Variants in ANKRD18A observed in about 807,000 individuals in gnomAD.
The protein encoded by ANKRD18A is ankyrin repeat domain 18A, also known as ankyrin repeat domain-containing protein 18A.
In ANKRD18A, 72 loss-of-function variants were observed where a neutral mutation model predicts 110.6. The ratio of observed to expected loss-of-function variants is 0.65; its 90% CI spans 0.54 to 0.79. The LOEUF (loss-of-function observed/expected upper bound fraction) is 0.79, where lower values mean the gene tolerates loss of function less well. Ranked by LOEUF, ANKRD18A falls within the 30% of genes least tolerant of loss-of-function variation. The pLI is 0.00. For synonymous variants in ANKRD18A, 305 were observed against 410.3 expected, an observed-to-expected ratio of 0.74 and a Z score of 3.10; for missense variants, 934 against 1,163.3, an observed-to-expected ratio of 0.80 and a Z score of 2.87.
downstream of ANKRD18A, chr9:38,566,622 T>G (rs1160841132): frequency 6.6e-6 from 1 of 152,222 alleles, no homozygotes; most frequent in Admixed American, 6.5e-5. Context: ...GCTCCAGTCC[T>G]CATTTGCCAT....
intron 14 of ANKRD18A, among the ~76,000 whole-genome samples, chr9:38,576,383 C>T (rs1170645567): frequency 6.6e-6 from 1 of 152,164 alleles, no homozygotes; most frequent in Non-Finnish European, 1.5e-5. Context: ...ACACCGTGAC[C>T]AAGGCACTGG....
chr9:38,577,136 C>T lies in ANKRD18A; in HGVS notation c.2658G>A (p.Glu886=), dbSNP rs1417807239. ...TAAATTCTTCTAATTCAGTTGTAAC[C>T]TCTTCATAAGCAGTTTTCATTTTGG... ...KFSKMKTAYE[E]VTTELEEFKE... The change falls in exon 14 of 16, where the codon GAG becomes GAA. Residue 886 remains glutamate (E), a synonymous_variant. Coordinates refer to ENST00000399703, the MANE Select transcript of ANKRD18A (RefSeq NM_147195.4). The T allele has an allele frequency of 3.2e-6, 5 of 1,549,572 alleles. No homozygotes were observed. The highest frequency in any genetic ancestry group is 4.4e-6 in the Non-Finnish European group (5 of 1,146,416).
At chr9:38,570,833 G>T (rs1171146704), downstream of ANKRD18A, among the ~76,000 whole-genome samples, 2 of 152,164 alleles carry the variant, frequency 1.3e-5, no homozygotes, top group South Asian at 2.1e-4. Flanking sequence ...CACTCACCCC[G>T]CAAGGCCCTC....
chr9:38,572,935 T>G, intron 15 of ANKRD18A: 1 of 385,840 alleles, frequency 2.6e-6, no homozygotes, highest in Non-Finnish European at 4.6e-6. Context: ...GTGAAAGTTT[T>G]CGTTTTCACA....
intron 3 of ANKRD18A, among the ~76,000 whole-genome samples, chr9:38,614,352 G>A (rs1287342920): frequency 6.7e-6 from 1 of 149,284 alleles, no homozygotes; most frequent in African/African-American, 2.5e-5. Flanking sequence ...TGATCTGCCC[G>A]CCTCAGGCTG....
chr9:38,575,422 C>T lies in ANKRD18A; in HGVS notation c.2964+54G>A, dbSNP rs569938296. 4.1e-6 allele frequency: 6 copies of T among 1,459,354 alleles called. No homozygotes were observed. In the African/African-American group the frequency reaches 5.7e-5, roughly 14 times the overall value. 90.4% of individuals were successfully genotyped at this position (1,459,354 alleles called of 1,614,324 possible). A position where few individuals can be genotyped will look rare whatever the true frequency, so the allele number is the denominator to read the frequency against. On this transcript the variant is annotated intron_variant, in intron 15 of 15. Coordinates refer to ENST00000399703, the MANE Select transcript of ANKRD18A (RefSeq NM_147195.4). ...ACTCAGTATTTCATCAAATTATAGA[C>T]AAGAATTATATTAGAGAAATGAAAC...
rs1223774190 is a variant in ANKRD18A, at chr9:38,593,755, C to T, written c.2004+5G>A. 6.6e-7 allele frequency: 1 copy of T among 1,526,254 alleles called. No homozygotes were observed. The highest frequency in any genetic ancestry group is 2.5e-5 in the East Asian group (1 of 40,442). 94.5% of individuals were successfully genotyped at this position (1,526,254 alleles called of 1,614,324 possible). ...AACTGTCTACATGTTAAATTCCATA[C>T]ATACTTGAATTTCTACTTGAAATAA... On this transcript the variant is annotated splice_donor_5th_base_variant and intron_variant, in intron 10 of 15. Transcript: ENST00000399703.
Position 38,615,677 on chromosome 9 carries a change from G to A in ANKRD18A, c.412C>T (p.Leu138Phe), listed in dbSNP as rs1022759886. ...CCCTTATTATACACGGCATAATGGA[G>A]AGCAGTGTTGCCGTAGATATCCTCA... ...NIEDIYGNTA[L>F]HYAVYNKGTS... The change falls in exon 3 of 16, where the codon CTC (leucine) becomes TTC (phenylalanine). Residue 138 changes from leucine (L) to phenylalanine (F), a missense_variant. Coordinates refer to ENST00000399703, the MANE Select transcript of ANKRD18A (RefSeq NM_147195.4). 6.2e-7 allele frequency: 1 copy of A among 1,612,284 alleles called. No individual in the cohort carries two copies. Among genetic ancestry groups the A allele is most frequent in the South Asian group, 1.1e-5 (1 of 90,998 alleles).
rs191003324 is a variant in ANKRD18A, at chr9:38,614,873, A to G, written c.495+721T>C. 9.2e-5 allele frequency among the ~76,000 whole-genome samples: 14 copies of G among 152,300 alleles called. 1 individual carries two copies. The highest frequency in any genetic ancestry group is 3.4e-4 in the African/African-American group (14 of 41,570). On this transcript the variant is annotated intron_variant, in intron 3 of 15. Transcript: ENST00000399703. ...TTTTTGCCGGGATGGGTAATAAGTC[A>G]GTTACTAATTTGTTCCACCCTTTGC...
At chr9:38,590,324 G>A (rs992530215) in intron 10 of ANKRD18A, among the ~76,000 whole-genome samples, 4 of 151,374 alleles carry the variant, frequency 2.6e-5, no homozygotes, top group Admixed American at 6.6e-5. Context: ...GTGGTGCCAT[G>A]TCGGCTCACT....
intron 6 of ANKRD18A, 35 bp from the exon 7 acceptor site, chr9:38,603,247 T>G (rs1188520417): frequency 6.4e-7 from 1 of 1,550,520 alleles, no homozygotes; most frequent in Admixed American, 2.0e-5. Flanking sequence ...ATATTCCTTC[T>G]GGAAAACATC....
intron 15 of ANKRD18A, among the ~76,000 whole-genome samples, chr9:38,575,179 A>G (rs1175856197): frequency 1.3e-5 from 2 of 152,182 alleles, no homozygotes; most frequent in East Asian, 1.9e-4. Context: ...ACCATCAGTT[A>G]TTAGGCAATA....
At chr9:38,571,276 A>T (rs1339806215), downstream of ANKRD18A, 1 of 1,398,950 alleles carries the variant, frequency 7.1e-7, no homozygotes, top group Admixed American at 2.9e-5. Flanking sequence ...AATAATGGGG[A>T]CAATTCAAAA....
intron 1 of ANKRD18A, among the ~76,000 whole-genome samples, chr9:38,617,296 T>C (rs1344740830): frequency 6.6e-6 from 1 of 151,992 alleles, no homozygotes; most frequent in African/African-American, 2.4e-5. Context: ...AAAAATTAGC[T>C]GGGTGCGGTG....
intron 10 of ANKRD18A, among the ~76,000 whole-genome samples, chr9:38,590,091 AG>A (rs1212881860): frequency 6.6e-6 from 1 of 152,070 alleles, no homozygotes; most frequent in Admixed American, 6.6e-5. Context: ...CTAATCTTGA[AG>A]GGGGGCTGTC....
chr9:38,590,416 T>TAAAA (rs1244272053), intron 10 of ANKRD18A, among the ~76,000 whole-genome samples: 2 of 151,928 alleles, frequency 1.3e-5, no homozygotes, highest in African/African-American at 4.8e-5. Context: ...CACCACCAGC[T>TAAAA]AATTTTTGTA....
chr9:38,601,991 G>GAAAA (rs66982362), intron 7 of ANKRD18A, among the ~76,000 whole-genome samples: 6 of 79,640 alleles, frequency 7.5e-5, no homozygotes, highest in African/African-American at 2.6e-4. Flanking sequence ...TCCAAAAACA[G>GAAAA]AAAAAAAAAA....
chr9:38,570,226 G>T (rs1823590374), downstream of ANKRD18A, among the ~76,000 whole-genome samples: 1 of 151,862 alleles, frequency 6.6e-6, no homozygotes, highest in Non-Finnish European at 1.5e-5. Flanking sequence ...ATTTCCCACT[G>T]ACCTGGTCCC....
intron 7 of ANKRD18A, among the ~76,000 whole-genome samples, chr9:38,601,525 C>A (rs1280885198): frequency 2.0e-5 from 3 of 152,080 alleles, no homozygotes; most frequent in African/African-American, 7.2e-5. Flanking sequence ...TAAAGTAACA[C>A]TTTACTATTC....
Sources: gnomAD v4.1 joint callset for allele counts (sites outside exome capture counted in the v4.1 genomes callset) on GRCh38, gnomAD v4.1.1 for gene constraint, MANE v1.5 for transcripts, NCBI Gene and HGNC (gene_info 2026-07-23, HGNC 2026-07-21) for gene names.